The following ERBB4 variants were observed in gnomAD, a reference collection of about 807,000 sequenced individuals.
The protein encoded by ERBB4 is erb-b2 receptor tyrosine kinase 4.
Under a neutral mutation model 158.0 loss-of-function variants are expected in ERBB4, and 42 were observed. The observed-to-expected ratio is 0.27, with a 90% confidence interval of 0.21 to 0.34. The LOEUF is 0.34. Ranked by LOEUF, ERBB4 falls within the 10% of genes least tolerant of loss-of-function variation. ERBB4 has a pLI of 1.00. For missense variants in ERBB4, 1,333 were observed against 1,624.1 expected, an observed-to-expected ratio of 0.82 and a Z score of 3.08; for synonymous variants, 583 against 558.7, an observed-to-expected ratio of 1.04 and a Z score of -0.61.
chr2:212,284,167 T>C (rs1057161138), intron 1 of ERBB4, among the ~76,000 whole-genome samples: 2 of 152,144 alleles, frequency 1.3e-5, no homozygotes, highest in Admixed American at 6.6e-5. Context: ...CAGATAAGAA[T>C]ATAAGTTTTT....
intron 3 of ERBB4, among the ~76,000 whole-genome samples, chr2:211,861,923 T>C (rs1430860032): frequency 6.7e-6 from 1 of 148,480 alleles, no homozygotes; most frequent in Non-Finnish European, 1.5e-5. Context: ...AATGATCTTT[T>C]AAAAAATTTT....
intron 1 of ERBB4, among the ~76,000 whole-genome samples, chr2:212,527,381 T>G (rs144538938): frequency 4.7e-4 from 72 of 152,242 alleles, no homozygotes; most frequent in Non-Finnish European, 7.9e-4. Flanking sequence ...TGCACCAACT[T>G]AATAATTTTC....
chr2:212,387,985 A>C (rs143968342), intron 1 of ERBB4, among the ~76,000 whole-genome samples: 107 of 152,250 alleles, frequency 7.0e-4, no homozygotes, highest in African/African-American at 2.3e-3. Flanking sequence ...ACCACCTAGA[A>C]GTAATATCAG....
chr2:211,688,712 A>C (rs374944691), intron 12 of ERBB4, among the ~76,000 whole-genome samples: 1 of 152,128 alleles, frequency 6.6e-6, no homozygotes, highest in Non-Finnish European at 1.5e-5. Context: ...ATTTCTCCCA[A>C]ATGATCCAAA....
chr2:212,457,172 A>T (rs544627699), intron 1 of ERBB4, among the ~76,000 whole-genome samples: 33 of 152,180 alleles, frequency 2.2e-4, no homozygotes, highest in Non-Finnish European at 3.8e-4. Flanking sequence ...TACACCTATG[A>T]ACCATTTCAG....
intron 1 of ERBB4, among the ~76,000 whole-genome samples, chr2:212,226,793 C>G (rs962619637): frequency 1.3e-5 from 2 of 152,028 alleles, no homozygotes; most frequent in African/African-American, 4.8e-5. Context: ...TTAATGCAGG[C>G]AAGTCAAGCT....
intron 1 of ERBB4, among the ~76,000 whole-genome samples, chr2:212,167,887 A>C (rs2081395666): frequency 6.6e-6 from 1 of 152,070 alleles, no homozygotes. Flanking sequence ...GGAGTTGCAA[A>C]ATGAAAACAC....
intron 1 of ERBB4, among the ~76,000 whole-genome samples, chr2:212,485,993 A>G (rs1200214600): frequency 6.6e-6 from 1 of 152,070 alleles, no homozygotes; most frequent in African/African-American, 2.4e-5. Context: ...GGGGTGGGAG[A>G]CCTCAACATT....
chr2:211,554,609 C>G (rs1284683226), intron 20 of ERBB4, among the ~76,000 whole-genome samples: 1 of 152,210 alleles, frequency 6.6e-6, no homozygotes, highest in East Asian at 1.9e-4. Context: ...TGTTGTCACA[C>G]AGTTCATATG....
intron 3 of ERBB4, among the ~76,000 whole-genome samples, chr2:211,847,883 G>A (rs890974417): frequency 6.6e-6 from 1 of 151,924 alleles, no homozygotes. Context: ...TCTCATCTAG[G>A]CCGTTTTTGT....
intron 1 of ERBB4, among the ~76,000 whole-genome samples, chr2:212,190,560 A>G (rs1394987774): frequency 6.6e-6 from 1 of 151,584 alleles, no homozygotes; most frequent in East Asian, 1.9e-4. Context: ...AAAGAAGAAG[A>G]AGAAGAACTG....
At chr2:212,124,221 C>T (rs1296379667) in intron 2 of ERBB4, among the ~76,000 whole-genome samples, 3 of 152,116 alleles carry the variant, frequency 2.0e-5, no homozygotes, top group Admixed American at 6.6e-5. Context: ...TGTTCTTGCA[C>T]GTATTGATCT....
chr2:211,413,243 C>T (rs1279216670), intron 25 of ERBB4, among the ~76,000 whole-genome samples: 2 of 141,978 alleles, frequency 1.4e-5, no homozygotes, highest in African/African-American at 5.2e-5. Flanking sequence ...GTCAAGACTG[C>T]AGTGAACCAT....
In ERBB4 at chr2:211,964,585, TC is replaced by T. The variant is rs377265660; in HGVS notation, c.235-16970del. On this transcript the variant is annotated intron_variant, in intron 2 of 27. Transcript: ENST00000342788. ...TCTTGTCTAGAACTTGTTCTCTTAA[TC>T]CTCCATTAATTTCCTTAAGCAGGTT... Among the ~76,000 whole-genome samples the T allele has an allele frequency of 1.4e-4, 21 of 152,298 alleles. 1 individual carries two copies. The South Asian group carries it at 4.3e-3, about 32-fold the overall frequency.
intron 2 of ERBB4, among the ~76,000 whole-genome samples, chr2:211,999,741 G>A (rs1385014054): frequency 1.3e-5 from 2 of 151,594 alleles, no homozygotes; most frequent in East Asian, 3.8e-4. Context: ...TATAATTTTT[G>A]TGTGTGTTGA....
At chr2:211,779,903 A>G (rs777290362) in intron 4 of ERBB4, 4 of 152,012 alleles carry the variant, frequency 2.6e-5, no homozygotes, top group Non-Finnish European at 5.9e-5. Context: ...TAAACCCTAT[A>G]TGTCTCAATG....
chr2:212,281,293 G>T (rs2085750786), intron 1 of ERBB4, among the ~76,000 whole-genome samples: 1 of 151,684 alleles, frequency 6.6e-6, no homozygotes, highest in Non-Finnish European at 1.5e-5. Context: ...TACTTTATTT[G>T]TAAAATGTAG....
At position 212,178,575 on chromosome 2, in the gene ERBB4, A is replaced by C. The variant is rs981541336; in HGVS notation, c.83-53672T>G. ...CATATGTATTAGAGGTAGTACTGAA[A>C]ACCCTAAACTCAAATATCCCTAAGC... On this transcript the variant is annotated intron_variant, in intron 1 of 27. Transcript: ENST00000342788. Among the ~76,000 whole-genome samples the C allele has an allele frequency of 2.0e-5, 3 of 151,874 alleles. No individual in the cohort carries two copies. In the South Asian group the frequency reaches 6.2e-4, roughly 31 times the overall value.
intron 20 of ERBB4, among the ~76,000 whole-genome samples, chr2:211,438,312 A>G (rs1467339072): frequency 6.6e-6 from 1 of 152,240 alleles, no homozygotes; most frequent in Non-Finnish European, 1.5e-5. Context: ...GTAAAGAGGT[A>G]GAGTAGATGT....
Sources: gnomAD v4.1 joint callset for allele counts (sites outside exome capture counted in the v4.1 genomes callset) on GRCh38, gnomAD v4.1.1 for gene constraint, MANE v1.5 for transcripts, NCBI Gene and HGNC (gene_info 2026-07-23, HGNC 2026-07-21) for gene names.